The following OTUD7B variants were observed in gnomAD, a reference collection of about 807,000 sequenced individuals.
OTUD7B encodes the protein OTU deubiquitinase 7B, also known as OTU domain-containing protein 7B.
A neutral mutation model predicts 82.2 loss-of-function variants in OTUD7B; 34 were observed. The ratio of observed to expected loss-of-function variants is 0.41; its 90% confidence interval spans 0.31 to 0.55. The LOEUF (loss-of-function observed/expected upper bound fraction) is 0.55. OTUD7B is among the 20% of genes least tolerant of loss of function. OTUD7B has a pLI of 0.20. For synonymous variants in OTUD7B, 398 were observed against 402.7 expected (o/e 0.99, Z 0.14); for missense variants, 944 against 1,062.1 (o/e 0.89, Z 1.55).
intron 10 of OTUD7B, among the ~76,000 whole-genome samples, chr1:149,947,864 A>C (rs1306959522): frequency 6.6e-6 from 1 of 152,210 alleles, no homozygotes; most frequent in Non-Finnish European, 1.5e-5. Flanking sequence ...AGGCAGAAGG[A>C]AGGCTTAACA....
chr1:150,009,187 G>C (rs1396884696), intron 1 of OTUD7B, among the ~76,000 whole-genome samples: 10 of 152,182 alleles, frequency 6.6e-5, no homozygotes, highest in Admixed American at 5.2e-4. Flanking sequence ...TAGCCACCCA[G>C]CTTCCGTCCC....
intron 1 of OTUD7B, among the ~76,000 whole-genome samples, chr1:149,990,899 G>A (rs1239665227): frequency 6.6e-6 from 1 of 151,858 alleles, no homozygotes; most frequent in Non-Finnish European, 1.5e-5. Flanking sequence ...GCTGAGACAG[G>A]AGAATCGCTT....
chr1:149,965,168 C>T (rs1553776275), intron 5 of OTUD7B, among the ~76,000 whole-genome samples: 1 of 152,198 alleles, frequency 6.6e-6, no homozygotes, highest in African/African-American at 2.4e-5. Context: ...GTTGGAATTA[C>T]AGGCGTGAGC....
At chr1:149,997,716 G>A (rs587689800) in intron 1 of OTUD7B, among the ~76,000 whole-genome samples, 3 of 152,320 alleles carry the variant, frequency 2.0e-5, no homozygotes, top group African/African-American at 7.2e-5. Flanking sequence ...CACACATTTT[G>A]TGTCTAAATA....
At chr1:149,962,874 G>C (rs1649253428) in intron 6 of OTUD7B, 1 of 152,200 alleles carries the variant, frequency 6.6e-6, no homozygotes, top group Admixed American at 6.5e-5. Context: ...TTCTAGGCTA[G>C]CTCTAGCTCA....
the OTUD7B span, among the ~76,000 whole-genome samples, chr1:150,056,107 T>C: frequency 2.0e-5 from 3 of 152,300 alleles, no homozygotes; most frequent in South Asian, 6.2e-4. Context: ...CAATGAAATT[T>C]AAGGAGTTAC....
At position 149,944,654 on chromosome 1, in the gene OTUD7B, C is replaced by G; in HGVS notation, c.1735G>C (p.Glu579Gln). The G allele has an allele frequency of 6.2e-7, 1 of 1,614,026 alleles. No homozygotes were observed. The highest frequency in any genetic ancestry group is 8.5e-7 in the Non-Finnish European group (1 of 1,180,034). The change falls in exon 12 of 12, where the codon GAG becomes CAG. Residue 579 changes from glutamate to glutamine, a missense_variant. This residue lies in a region of OTUD7B where 412 missense variants were observed against 418.7 expected (regional missense o/e 0.98). Coordinates refer to ENST00000581312, the MANE Select transcript of OTUD7B (RefSeq NM_020205.4). ...TTGCTCCCTCCGTTACCAACAGACTCAGCTGGGGGCTTCTCAGACACAGGC... is the reference window on the plus strand; with the variant it reads ...TTGCTCCCTCCGTTACCAACAGACTGAGCTGGGGGCTTCTCAGACACAGGC... ...DGPVSEKPPA[E>Q]SVGNGGSKYS...
chr1:150,066,064 C>T, the OTUD7B span, among the ~76,000 whole-genome samples: 1 of 152,170 alleles, frequency 6.6e-6, no homozygotes, highest in African/African-American at 2.4e-5. The surrounding 1 kb of genome is among the most constrained non-coding windows in gnomAD (Gnocchi z 4.6). Context: ...GCACGAATTT[C>T]ATAGACAAGT....
chr1:150,064,827 A>G, the OTUD7B span, among the ~76,000 whole-genome samples: 1 of 152,200 alleles, frequency 6.6e-6, no homozygotes, highest in South Asian at 2.1e-4. Flanking sequence ...TAAATAGAGA[A>G]TTAATAATCT....
chr1:150,001,705 G>A (rs1262308819), intron 1 of OTUD7B, among the ~76,000 whole-genome samples: 2 of 152,062 alleles, frequency 1.3e-5, no homozygotes, highest in East Asian at 3.9e-4. Flanking sequence ...ATGTACCCTT[G>A]CCCACTTGAG....
intron 1 of OTUD7B, among the ~76,000 whole-genome samples, chr1:149,989,615 T>C (rs1400504405): frequency 6.6e-6 from 1 of 151,354 alleles, no homozygotes; most frequent in Non-Finnish European, 1.5e-5. Flanking sequence ...TGGCACACAC[T>C]GTAGACCCAG....
chr1:150,031,458 G>A, the OTUD7B span, among the ~76,000 whole-genome samples: 3 of 152,170 alleles, frequency 2.0e-5, no homozygotes, highest in African/African-American at 7.2e-5. Context: ...ATAGAGAACA[G>A]TAATTGGAGA....
At chr1:150,015,811 T>G in the OTUD7B span, among the ~76,000 whole-genome samples, 1 of 151,950 alleles carries the variant, frequency 6.6e-6, no homozygotes, top group Non-Finnish European at 1.5e-5. Context: ...GGAACACGGG[T>G]GAAACACTAA....
chr1:150,011,772 A>C (rs1359641423), upstream of OTUD7B, among the ~76,000 whole-genome samples: 2 of 152,248 alleles, frequency 1.3e-5, no homozygotes, highest in Non-Finnish European at 2.9e-5. Flanking sequence ...TGCATATTCA[A>C]AATAATGTAT....
chr1:149,964,519 A>T (rs587725468), intron 5 of OTUD7B, among the ~76,000 whole-genome samples, 170 bp from the exon 6 acceptor site: 1 of 152,188 alleles, frequency 6.6e-6, no homozygotes, highest in East Asian at 1.9e-4. Flanking sequence ...GGTGTGAGCC[A>T]TGGCACCAGG....
rs587603746 is a variant in OTUD7B, at chr1:149,951,213, C to T, written c.846-992G>A. 1.6e-3 allele frequency among the ~76,000 whole-genome samples: 237 copies of T among 151,970 alleles called. 2 individuals are homozygous for T. Among genetic ancestry groups the T allele is most frequent in the Non-Finnish European group, 2.1e-3 (140 of 67,940 alleles). On this transcript the variant is annotated intron_variant, in intron 7 of 11. Transcript: ENST00000581312. ...GTCTCGATCTCCTGACTTCGTGATC[C>T]GCCCGCCTCGGCCTCCCAAAGTGCT...
In OTUD7B at chr1:149,939,872, T is replaced by G. The variant is rs1274017673; in HGVS notation, c.*3985A>C. On this transcript the variant is annotated 3_prime_UTR_variant, in exon 12 of 12. Coordinates refer to ENST00000581312, the MANE Select transcript of OTUD7B (RefSeq NM_020205.4). ...TGAACCCAGGAGACGGTGGTTGGAG[T>G]GAGCCGAGATTGCACCACTGCACTC... 1 of 150,746 alleles carries G rather than the reference T, an allele frequency of 6.6e-6. No individual in the cohort carries two copies. The allele number at this position is 150,746 out of a possible 1,614,324, so 9.3% of individuals were successfully genotyped here.
chr1:150,029,826 C>T, the OTUD7B span, among the ~76,000 whole-genome samples: 1 of 152,134 alleles, frequency 6.6e-6, no homozygotes, highest in African/African-American at 2.4e-5. Context: ...AATCCACAAC[C>T]TATACAAATC....
chr1:149,955,473 A>C (rs1648598266), intron 7 of OTUD7B, among the ~76,000 whole-genome samples: 1 of 152,188 alleles, frequency 6.6e-6, no homozygotes, highest in South Asian at 2.1e-4. Flanking sequence ...TATGTGGTCA[A>C]TTTTGGAATA....
Sources: allele counts gnomAD v4.1 joint callset (sites outside exome capture counted in the v4.1 genomes callset), GRCh38; gene constraint gnomAD v4.1.1; regional missense constraint gnomAD v4.1.1; non-coding constraint Gnocchi (gnomAD v3.1); transcripts MANE v1.5; gene names NCBI Gene and HGNC (gene_info 2026-07-23, HGNC 2026-07-21).